Variants in TENM3 observed in about 807,000 individuals in gnomAD.
The protein encoded by TENM3 is teneurin transmembrane protein 3.
Under a neutral mutation model 255.1 loss-of-function variants are expected in TENM3, and 63 were observed. That is an observed-to-expected ratio of 0.25 (90% CI 0.20 to 0.30). TENM3 has a LOEUF of 0.30. TENM3 is among the 10% of genes least tolerant of loss of function. TENM3 has a pLI of 1.00. For missense variants in TENM3, 2,929 were observed against 3,461.1 expected (o/e 0.85, Z 3.86); for synonymous variants, 1,306 against 1,322.3 (o/e 0.99, Z 0.27).
intron 19 of TENM3, among the ~76,000 whole-genome samples, chr4:182,749,306 TA>T: frequency 6.6e-6 from 1 of 152,130 alleles, no homozygotes; most frequent in Non-Finnish European, 1.5e-5. Flanking sequence ...ACAGCAGAAG[TA>T]AAAAAACAAA....
At chr4:182,376,739 T>C (rs534881274) in intron 3 of TENM3, among the ~76,000 whole-genome samples, 29 of 152,100 alleles carry the variant, frequency 1.9e-4, no homozygotes, top group African/African-American at 4.3e-4. Context: ...TTTTTTTTTT[T>C]CCCTGAATTG....
chr4:182,204,066 T>C (rs1754383649), intron 1 of TENM3, among the ~76,000 whole-genome samples: 1 of 151,970 alleles, frequency 6.6e-6, no homozygotes, highest in Non-Finnish European at 1.5e-5. Context: ...GGCTGGATAA[T>C]GAAGGGGGAA....
chr4:182,087,392 C>T, the TENM3 span, among the ~76,000 whole-genome samples: 2 of 152,194 alleles, frequency 1.3e-5, no homozygotes, highest in Admixed American at 6.5e-5. Context: ...CTGTGTCCAA[C>T]TTGTACTGAA....
intron 3 of TENM3, among the ~76,000 whole-genome samples, chr4:182,477,525 A>G (rs182127609): frequency 1.1e-3 from 160 of 152,238 alleles, no homozygotes; most frequent in African/African-American, 3.7e-3. Context: ...ATGGGTCTGC[A>G]TAGGGCCCTC....
At position 182,793,983 on chromosome 4, in the gene TENM3, T is replaced by C; in HGVS notation, c.7213+98T>C. 1 of 1,139,348 alleles carries C rather than the reference T, an allele frequency of 8.8e-7. No individual in the cohort carries two copies. Among genetic ancestry groups the C allele is most frequent in the South Asian group, 1.7e-5 (1 of 58,446 alleles). The allele number at this position is 1,139,348 out of a possible 1,614,324, so 70.6% of individuals were successfully genotyped here. On this transcript the variant is annotated intron_variant, in intron 26 of 27. Transcript: ENST00000511685. This position sits in a 1 kb window ranked among gnomAD's most constrained non-coding sequence, Gnocchi z 5.7. ...TGCTTTTTTAAAAAACTTTATACTTTACTCAGGCAAAGGCAAATGGCTAAC... is the reference window on the plus strand; with the variant it reads ...TGCTTTTTTAAAAAACTTTATACTTCACTCAGGCAAAGGCAAATGGCTAAC...
chr4:181,517,347 C>G, the TENM3 span, among the ~76,000 whole-genome samples: 1 of 152,096 alleles, frequency 6.6e-6, no homozygotes, highest in African/African-American at 2.4e-5. Context: ...TTTCCAAAGT[C>G]AAATAAAGCT....
chr4:182,602,615 T>A (rs1158880686), intron 4 of TENM3, among the ~76,000 whole-genome samples: 4 of 152,194 alleles, frequency 2.6e-5, no homozygotes, highest in Non-Finnish European at 4.4e-5. Context: ...TATTGTTTAT[T>A]TTGTATTATT....
intron 13 of TENM3, among the ~76,000 whole-genome samples, chr4:182,716,205 T>G (rs933224884): frequency 1.3e-5 from 2 of 152,192 alleles, no homozygotes; most frequent in African/African-American, 4.8e-5. Context: ...CAGATTTTGC[T>G]TCTAAGAGAA....
At chr4:181,693,288 A>G in the TENM3 span, among the ~76,000 whole-genome samples, 2 of 152,352 alleles carry the variant, frequency 1.3e-5, no homozygotes, top group East Asian at 1.9e-4. Context: ...ATTAAAATCC[A>G]AAATATTCAT....
intron 16 of TENM3, among the ~76,000 whole-genome samples, chr4:182,734,684 G>A (rs1254180329): frequency 2.0e-5 from 3 of 152,198 alleles, no homozygotes; most frequent in African/African-American, 7.2e-5. Flanking sequence ...CACGCAGCTG[G>A]CAAGAGTAGG....
chr4:181,734,522 C>T, the TENM3 span, among the ~76,000 whole-genome samples: 64 of 152,108 alleles, frequency 4.2e-4, no homozygotes, highest in African/African-American at 1.4e-3. Context: ...TGCATATATA[C>T]ACACACATAT....
At chr4:182,148,750 G>T (rs111344559) in intron 1 of TENM3, among the ~76,000 whole-genome samples, 3 of 151,972 alleles carry the variant, frequency 2.0e-5, no homozygotes, top group African/African-American at 7.2e-5. Flanking sequence ...GATGGTGAAC[G>T]TTATCATCCC....
chr4:181,969,651 T>C, the TENM3 span, among the ~76,000 whole-genome samples: 9 of 152,364 alleles, frequency 5.9e-5, no homozygotes, highest in Non-Finnish European at 1.0e-4. Flanking sequence ...AAATAACATT[T>C]TCTCAGTTAC....
intron 3 of TENM3, among the ~76,000 whole-genome samples, chr4:182,399,856 T>C (rs747165426): frequency 3.3e-5 from 5 of 152,054 alleles, no homozygotes; most frequent in African/African-American, 4.8e-5. Context: ...AGTAAAAGGG[T>C]CTCCAGGTAG....
the TENM3 span, among the ~76,000 whole-genome samples, chr4:181,547,292 A>C: frequency 6.6e-6 from 1 of 152,196 alleles, no homozygotes; most frequent in Non-Finnish European, 1.5e-5. Context: ...AGTTGAAAAA[A>C]TAGTAGTAGG....
chr4:181,712,321 G>C, the TENM3 span, among the ~76,000 whole-genome samples: 1 of 152,064 alleles, frequency 6.6e-6, no homozygotes, highest in Non-Finnish European at 1.5e-5. Context: ...TAAATGGTTT[G>C]GCGTCATCCC....
At chr4:181,562,894 C>T in the TENM3 span, among the ~76,000 whole-genome samples, 607 of 152,098 alleles carry the variant, frequency 4.0e-3, 2 homozygotes, top group African/African-American at 0.014. Flanking sequence ...AGGCTGGTCT[C>T]GAATTTCTGA....
chr4:181,508,736 G>T, the TENM3 span, among the ~76,000 whole-genome samples: 7 of 152,016 alleles, frequency 4.6e-5, no homozygotes, highest in Non-Finnish European at 1.5e-5. Context: ...CTTTTGCCAT[G>T]TTGAATGTAG....
chr4:182,288,982 T>C (rs1760928321), intron 1 of TENM3, among the ~76,000 whole-genome samples: 1 of 151,926 alleles, frequency 6.6e-6, no homozygotes, highest in Non-Finnish European at 1.5e-5. Flanking sequence ...CCCAGCACTT[T>C]GGGAGGTTGA....
Sources: allele counts gnomAD v4.1 joint callset (sites outside exome capture counted in the v4.1 genomes callset), GRCh38; gene constraint gnomAD v4.1.1; non-coding constraint Gnocchi (gnomAD v3.1); transcripts MANE v1.5; gene names NCBI Gene and HGNC (gene_info 2026-07-23, HGNC 2026-07-21).